EIF3M: variants seen among roughly 807,000 people sequenced by gnomAD.
EIF3M encodes eukaryotic translation initiation factor 3 subunit M.
EIF3M carries 25 observed loss-of-function variants against 49.7 expected under a neutral mutation model. That is an observed-to-expected ratio of 0.50 (90% CI 0.37 to 0.70). EIF3M has a LOEUF of 0.70. Ranked by LOEUF, EIF3M falls within the 30% of genes least tolerant of loss-of-function variation. The pLI is 0.00. For synonymous variants in EIF3M, 156 were observed against 149.8 expected (o/e 1.04, Z -0.30); for missense variants, 350 against 440.0 (o/e 0.80, Z 1.83).
At chr11:32,587,258 ACAG>A in intron 2 of EIF3M, 114 bp downstream of exon 2, 1 of 1,049,552 alleles carries the variant, frequency 9.5e-7, no homozygotes, top group Non-Finnish European at 1.3e-6. Context: ...ACCCTCAGAT[ACAG>A]AAGGCTGACT....
At chr11:32,591,101 C>T (rs998522103) in intron 5 of EIF3M, among the ~76,000 whole-genome samples, 2 of 152,130 alleles carry the variant, frequency 1.3e-5, no homozygotes, top group Non-Finnish European at 2.9e-5. Flanking sequence ...CTCCCGCCTC[C>T]GCCTCCCAAA....
In EIF3M at chr11:32,595,957, T is replaced by C. The variant is rs758728945; in HGVS notation, c.718-9T>C. ...TTGATGGTATCTTTTTTGTCTCTTA[T>C]CTGTATAGCTTTTAACCATTTTTGT... On this transcript the variant is annotated splice_polypyrimidine_tract_variant and intron_variant, in intron 7 of 10. Coordinates refer to ENST00000531120, the MANE Select transcript of EIF3M (RefSeq NM_006360.6). 10 of 1,562,728 alleles carry C rather than the reference T, an allele frequency of 6.4e-6. No homozygotes were observed. The East Asian group carries it at 1.4e-4, about 22-fold the overall frequency.
chr11:32,596,440 A>C (rs1431126751), intron 8 of EIF3M, among the ~76,000 whole-genome samples: 1 of 151,892 alleles, frequency 6.6e-6, no homozygotes, highest in Non-Finnish European at 1.5e-5. Flanking sequence ...CTAAAAATAC[A>C]AAAAATTAGC....
At position 32,595,032 on chromosome 11, in the gene EIF3M, A is replaced by G. The variant is rs745532025; in HGVS notation, c.717+19A>G. On this transcript the variant is annotated intron_variant, in intron 7 of 10. Transcript: ENST00000531120. ...TCATGATGTAAGTAGTTTATCCTTT[A>G]ATGTGAAAAATGTTCTCCTTTCCTA... 1.3e-6 allele frequency: 2 copies of G among 1,596,530 alleles called. No individual in the cohort carries two copies. Among genetic ancestry groups the G allele is most frequent in the Admixed American group, 3.5e-5 (2 of 57,170 alleles).
At chr11:32,584,182 C>T (rs1854955216) in intron 1 of EIF3M, 8 of 569,952 alleles carry the variant, frequency 1.4e-5, no homozygotes, top group Non-Finnish European at 2.2e-5. Flanking sequence ...TCATTTCTGA[C>T]GACATAGTAC....
intron 2 of EIF3M, among the ~76,000 whole-genome samples, chr11:32,588,235 A>C (rs1855031159): frequency 6.6e-6 from 1 of 151,970 alleles, no homozygotes; most frequent in Non-Finnish European, 1.5e-5. Context: ...CTAAAAATAC[A>C]AAAATTAGCC....
In EIF3M at chr11:32,603,976, A is replaced by AGCTT. The variant is rs1855311768; in HGVS notation, c.*1578_*1579insCTTG. 1 of 152,260 alleles carries AGCTT rather than the reference A, an allele frequency of 6.6e-6. No homozygotes were observed. Among genetic ancestry groups the AGCTT allele is most frequent in the Non-Finnish European group, 1.5e-5 (1 of 68,084 alleles). The allele number at this position is 152,260 out of a possible 1,614,324, so 9.4% of individuals were successfully genotyped here. ...CAGCTCCTCGGAGGGCTGAGGTGCA[A>AGCTT]GGATCATTTGAGCCCAGGAGGTGAA... On this transcript the variant is annotated 3_prime_UTR_variant, in exon 11 of 11. Transcript: ENST00000531120.
Position 32,602,843 on chromosome 11 carries a change from C to T in EIF3M, c.*444C>T. The T allele has an allele frequency of 6.2e-7, 1 of 1,607,490 alleles. No homozygotes were observed. Among genetic ancestry groups the T allele is most frequent in the East Asian group, 2.2e-5 (1 of 44,788 alleles). Reference sequence around the variant, plus strand: ...AATCTGTTGTTTTTTTCCAACGTCTCTTCTGCTTTTCTTTTCTTTGGCTGG... The same window carrying T: ...AATCTGTTGTTTTTTTCCAACGTCTTTTCTGCTTTTCTTTTCTTTGGCTGG... On this transcript the variant is annotated 3_prime_UTR_variant, in exon 11 of 11. Coordinates refer to ENST00000531120, the MANE Select transcript of EIF3M (RefSeq NM_006360.6).
chr11:32,601,458 T>C (rs1855261309), intron 9 of EIF3M: 2 of 218,096 alleles, frequency 9.2e-6, no homozygotes, highest in African/African-American at 4.6e-5. Context: ...AATTAGTTTA[T>C]TCCCCTATAT....
rs116326988 is a variant in EIF3M, at chr11:32,597,092, G to C, written c.799+1045G>C. 4.5e-3 allele frequency among the ~76,000 whole-genome samples: 690 copies of C among 152,264 alleles called. 3 individuals carry two copies. Among genetic ancestry groups the C allele is most frequent in the African/African-American group, 0.016 (653 of 41,516 alleles). On this transcript the variant is annotated intron_variant, in intron 8 of 10. Transcript: ENST00000531120. ...TTGGTACATTTGTTTTTAAAATTTA[G>C]AGATGGAGGAGTGAGCAGAAAAGCA...
intron 7 of EIF3M, 81 bp from the exon 8 acceptor site, chr11:32,595,885 A>G: frequency 3.8e-6 from 4 of 1,055,006 alleles, no homozygotes; most frequent in South Asian, 1.5e-5. Flanking sequence ...CTTTAAAATA[A>G]TATTTACAAT....
At chr11:32,585,906 A>G (rs1300405684) in intron 1 of EIF3M, among the ~76,000 whole-genome samples, 1 of 152,024 alleles carries the variant, frequency 6.6e-6, no homozygotes, top group African/African-American at 2.4e-5. Flanking sequence ...GTATCCTTTC[A>G]TATTCCTGTT....
At chr11:32,597,236 T>G (rs901198252) in intron 8 of EIF3M, among the ~76,000 whole-genome samples, 2 of 152,246 alleles carry the variant, frequency 1.3e-5, no homozygotes, top group Non-Finnish European at 2.9e-5. Flanking sequence ...TAAAATAATA[T>G]TGTTTCTTTG....
chr11:32,598,111 G>A (rs1260734147), intron 8 of EIF3M, among the ~76,000 whole-genome samples: 1 of 152,174 alleles, frequency 6.6e-6, no homozygotes, highest in Non-Finnish European at 1.5e-5. Flanking sequence ...GAAGCTATGT[G>A]ATGGAATGTT....
Position 32,589,146 on chromosome 11 carries a change from G to A in EIF3M, c.438+11G>A, listed in dbSNP as rs564931655. 4.4e-6 allele frequency: 7 copies of A among 1,609,136 alleles called. No homozygotes were observed. In the South Asian group the frequency reaches 6.7e-5, roughly 15 times the overall value. ...ACTGAGCTGGATCAAGTGAGTTACT[G>A]TGTGGAATAGTTGTTCTGCTTATAA... is the stretch of plus-strand genomic sequence containing the variant. On this transcript the variant is annotated intron_variant, in intron 4 of 10. Transcript: ENST00000531120.
chr11:32,588,470 C>A, intron 2 of EIF3M, 124 bp from the exon 3 acceptor site: 2 of 1,020,852 alleles, frequency 2.0e-6, no homozygotes, highest in East Asian at 3.6e-5. Flanking sequence ...AAGTTGCTTT[C>A]TGAATGCGAA....
At chr11:32,588,314 G>A (rs1855032717) in intron 2 of EIF3M, among the ~76,000 whole-genome samples, 1 of 150,720 alleles carries the variant, frequency 6.6e-6, no homozygotes, top group Non-Finnish European at 1.5e-5. Context: ...GCTTGAACCT[G>A]GGAGGCGGAG....
chr11:32,588,919 CG>C, intron 3 of EIF3M, 92 bp from the exon 4 acceptor site: 2 of 1,544,868 alleles, frequency 1.3e-6, no homozygotes, highest in South Asian at 2.5e-5. Flanking sequence ...AAGTTGTTAA[CG>C]GTACCTGCCA....
chr11:32,592,270 CT>C (rs1855115237), intron 5 of EIF3M: 1 of 465,528 alleles, frequency 2.1e-6, no homozygotes, highest in East Asian at 5.1e-5. Context: ...TCACTAACGC[CT>C]GTTAATAGAG....
Sources: allele counts gnomAD v4.1 joint callset (sites outside exome capture counted in the v4.1 genomes callset), GRCh38; gene constraint gnomAD v4.1.1; transcripts MANE v1.5; gene names NCBI Gene and HGNC (gene_info 2026-07-23, HGNC 2026-07-21).